The following EPHB1 variants were observed in gnomAD, a reference collection of about 807,000 sequenced individuals.
EPHB1 encodes ephrin type-B receptor 1.
Under a neutral mutation model 94.4 loss-of-function variants are expected in EPHB1, and 30 were observed. The observed-to-expected ratio is 0.32, with a 90% CI of 0.24 to 0.43. The LOEUF is 0.43. Among genes scored for constraint, EPHB1 ranks in the 20% least tolerant of loss-of-function variants. The pLI, the probability that EPHB1 is intolerant of heterozygous loss-of-function variation, is 1.00. For missense variants in EPHB1, 1,055 were observed against 1,308.3 expected (o/e 0.81, Z 2.99); for synonymous variants, 522 against 489.1 (o/e 1.07, Z -0.89).
chr3:135,090,006 G>A (rs1029451523), intron 3 of EPHB1, among the ~76,000 whole-genome samples: 1 of 152,252 alleles, frequency 6.6e-6, no homozygotes, highest in Non-Finnish European at 1.5e-5. Flanking sequence ...CCTGAAGGCA[G>A]TTGGTGATAC....
chr3:135,040,579 C>T (rs543322086), intron 3 of EPHB1, among the ~76,000 whole-genome samples: 5 of 152,340 alleles, frequency 3.3e-5, no homozygotes, highest in South Asian at 2.1e-4. Flanking sequence ...TGTCCACATG[C>T]GTGTTTGTGT....
At chr3:135,003,264 C>T (rs1406824096) in intron 3 of EPHB1, among the ~76,000 whole-genome samples, 1 of 151,618 alleles carries the variant, frequency 6.6e-6, no homozygotes, top group Non-Finnish European at 1.5e-5. Flanking sequence ...TGTAGGTGAG[C>T]GGTTTTGAGT....
At chr3:134,975,348 T>A (rs1373249545) in intron 3 of EPHB1, among the ~76,000 whole-genome samples, 1 of 152,078 alleles carries the variant, frequency 6.6e-6, no homozygotes, top group Non-Finnish European at 1.5e-5. Flanking sequence ...CTGGGGTGGA[T>A]TTCTGGGTAA....
At chr3:134,892,486 G>T (rs1236143904) in intron 1 of EPHB1, among the ~76,000 whole-genome samples, 3 of 152,212 alleles carry the variant, frequency 2.0e-5, no homozygotes, top group Non-Finnish European at 4.4e-5. Flanking sequence ...CTCTATTTGC[G>T]TGAGAAAAGA....
chr3:134,843,775 C>G (rs1168308614), intron 1 of EPHB1, among the ~76,000 whole-genome samples: 3 of 151,934 alleles, frequency 2.0e-5, no homozygotes, highest in Non-Finnish European at 4.4e-5. Flanking sequence ...CTCTATTTTT[C>G]TGTTCCTTAT....
intron 2 of EPHB1, among the ~76,000 whole-genome samples, chr3:134,926,298 T>G (rs1467674950): frequency 1.3e-5 from 2 of 152,322 alleles, no homozygotes; most frequent in Non-Finnish European, 2.9e-5. Flanking sequence ...CATTAATGAT[T>G]TATTTGTCTA....
At chr3:135,202,852 C>T (rs756636864) in intron 12 of EPHB1, among the ~76,000 whole-genome samples, 5 of 152,088 alleles carry the variant, frequency 3.3e-5, no homozygotes, top group Non-Finnish European at 5.9e-5. Context: ...ACCATTTGAC[C>T]GAGCAATCCT....
At chr3:134,834,212 T>TC (rs1560254756) in intron 1 of EPHB1, among the ~76,000 whole-genome samples, 1 of 152,132 alleles carries the variant, frequency 6.6e-6, no homozygotes, top group East Asian at 1.9e-4. Context: ...TTCAGACATA[T>TC]CCCAAATGCT....
intron 15 of EPHB1, among the ~76,000 whole-genome samples, chr3:135,254,644 A>G (rs921199190): frequency 1.3e-5 from 2 of 151,942 alleles, no homozygotes; most frequent in African/African-American, 4.8e-5. Context: ...TTTAGCATCA[A>G]TGTTCATCAG....
At chr3:135,076,933 A>C (rs954925225) in intron 3 of EPHB1, among the ~76,000 whole-genome samples, 21 of 152,292 alleles carry the variant, frequency 1.4e-4, no homozygotes, top group Admixed American at 1.4e-3. Flanking sequence ...ATTAGGGGGT[A>C]GGAGCAGTTA....
chr3:135,200,995 G>A (rs1475279269), intron 11 of EPHB1, among the ~76,000 whole-genome samples: 1 of 152,156 alleles, frequency 6.6e-6, no homozygotes, highest in East Asian at 1.9e-4. Flanking sequence ...GGGTATGGTG[G>A]CCTAAGGTAA....
At chr3:135,188,843 G>C (rs771042301) in intron 10 of EPHB1, among the ~76,000 whole-genome samples, 8 of 152,166 alleles carry the variant, frequency 5.3e-5, no homozygotes, top group Non-Finnish European at 1.0e-4. Flanking sequence ...TTGGTGCTTT[G>C]AAAACCTCCT....
At chr3:134,819,794 G>A (rs771795990) in intron 1 of EPHB1, among the ~76,000 whole-genome samples, 1 of 152,122 alleles carries the variant, frequency 6.6e-6, no homozygotes, top group Non-Finnish European at 1.5e-5. Flanking sequence ...TGTCTGCCTG[G>A]GAGGCCTCTG....
chr3:134,971,965 A>G (rs1364794834), intron 3 of EPHB1, among the ~76,000 whole-genome samples: 1 of 152,144 alleles, frequency 6.6e-6, no homozygotes, highest in East Asian at 1.9e-4. Flanking sequence ...TTAACTTGTA[A>G]TATTTCTTAA....
At chr3:134,876,044 T>G (rs6439534) in intron 1 of EPHB1, among the ~76,000 whole-genome samples, 22,748 of 152,160 alleles carry the variant, frequency 0.15, 2,899 homozygotes, top group African/African-American at 0.35. Context: ...AGGGAGCTTG[T>G]AATGAGAAGA....
intron 3 of EPHB1, among the ~76,000 whole-genome samples, chr3:134,964,918 C>T (rs369621932): frequency 1.1e-4 from 17 of 152,028 alleles, no homozygotes; most frequent in Non-Finnish European, 2.4e-4. Flanking sequence ...TGTCTTGATG[C>T]GAATTGCAAT....
chr3:135,141,589 G>A lies in EPHB1; in HGVS notation c.1297+8540G>A, dbSNP rs3772651. 3.6e-4 allele frequency among the ~76,000 whole-genome samples: 55 copies of A among 152,210 alleles called. No homozygotes were observed. The East Asian group carries it at 0.01, about 28-fold the overall frequency. On this transcript the variant is annotated intron_variant, in intron 5 of 15. Coordinates refer to ENST00000398015, the MANE Select transcript of EPHB1 (RefSeq NM_004441.5). ...TAGGAGGTGGGTGTGCAGGAGACTG[G>A]GTCCCTAGAAGGACAGTGAGGTCCT...
chr3:134,821,768 C>T (rs2036385160), intron 1 of EPHB1, among the ~76,000 whole-genome samples: 1 of 152,152 alleles, frequency 6.6e-6, no homozygotes, highest in South Asian at 2.1e-4. Context: ...CAAACAGAAA[C>T]GTGTTTGGGA....
chr3:135,148,173 C>T (rs1385214915), intron 5 of EPHB1, among the ~76,000 whole-genome samples: 1 of 152,136 alleles, frequency 6.6e-6, no homozygotes, highest in Non-Finnish European at 1.5e-5. Flanking sequence ...AGAAAAAAAG[C>T]ATCAAGTAAA....
Sources: gnomAD v4.1 joint callset for allele counts (sites outside exome capture counted in the v4.1 genomes callset) on GRCh38, gnomAD v4.1.1 for gene constraint, MANE v1.5 for transcripts, NCBI Gene and HGNC (gene_info 2026-07-23, HGNC 2026-07-21) for gene names.